Variants in LRRC7 observed in about 807,000 individuals in gnomAD.
LRRC7 encodes leucine-rich repeat-containing protein 7.
In LRRC7, 23 loss-of-function variants were observed where a neutral mutation model predicts 175.7. That is an observed-to-expected ratio of 0.13 (90% confidence interval 0.09 to 0.19). The LOEUF is 0.19. Ranked by LOEUF, LRRC7 falls within the 10% of genes least tolerant of loss-of-function variation. LRRC7 has a pLI of 1.00. For synonymous variants in LRRC7, 685 were observed against 680.9 expected, an observed-to-expected ratio of 1.01 and a Z score of -0.09; for missense variants, 1,354 against 1,904.7, an observed-to-expected ratio of 0.71 and a Z score of 5.38.
At chr1:69,758,713 T>C (rs947371238) in intron 2 of LRRC7, among the ~76,000 whole-genome samples, 2 of 151,958 alleles carry the variant, frequency 1.3e-5, no homozygotes, top group African/African-American at 4.8e-5. Flanking sequence ...TTAGTGGCCA[T>C]GTTTGCGCAG....
At chr1:70,027,046 C>A (rs1571071134) in intron 17 of LRRC7, among the ~76,000 whole-genome samples, 2 of 152,046 alleles carry the variant, frequency 1.3e-5, no homozygotes, top group South Asian at 2.1e-4. Context: ...TCTTTCTCTC[C>A]CTTTTCCGAT....
chr1:70,082,781 A>ATCTTTTTTGTTTTT (rs1553201466), intron 24 of LRRC7, among the ~76,000 whole-genome samples: 1 of 52,312 alleles, frequency 1.9e-5, no homozygotes, highest in Admixed American at 3.1e-4. Context: ...ATACCAGTAC[A>ATCTTTTTTGTTTTT]TTTTTTTTTT....
chr1:69,903,427 G>C (rs1026143341), intron 7 of LRRC7, among the ~76,000 whole-genome samples: 1 of 152,122 alleles, frequency 6.6e-6, no homozygotes, highest in East Asian at 1.9e-4. Flanking sequence ...TGTGCCGTGA[G>C]GGACGGTGCA....
intron 24 of LRRC7, among the ~76,000 whole-genome samples, chr1:70,083,113 C>T (rs1450331124): frequency 6.6e-6 from 1 of 151,926 alleles, no homozygotes. Context: ...AAAGATTTAA[C>T]TAGGAATTTT....
intron 7 of LRRC7, among the ~76,000 whole-genome samples, chr1:69,888,201 T>G (rs1184775599): frequency 3.2e-4 from 49 of 151,916 alleles, no homozygotes; most frequent in East Asian, 5.8e-4. Flanking sequence ...GCAATGGCGG[T>G]CGCCCCTCCC....
At chr1:70,040,279 T>C (rs1011169679) in intron 21 of LRRC7, among the ~76,000 whole-genome samples, 1 of 152,224 alleles carries the variant, frequency 6.6e-6, no homozygotes, top group Non-Finnish European at 1.5e-5. Context: ...AGTTATTATT[T>C]CTAATGAGCA....
rs187157811 is a variant in LRRC7 at position 70,104,636 on chromosome 1, A to C, written c.4546-3116A>C. 7.2e-5 allele frequency among the ~76,000 whole-genome samples: 11 copies of C among 152,302 alleles called. No individual in the cohort carries two copies. In the East Asian group the frequency reaches 2.1e-3, roughly 29 times the overall value. ...AGACATAATAAAGTGAAATCATAAA[A>C]CTTTCAGAAAAAAGCAATACATGCT... On this transcript the variant is annotated intron_variant, in intron 25 of 26. Coordinates refer to ENST00000651989, the MANE Select transcript of LRRC7 (RefSeq NM_001370785.2).
chr1:69,631,511 A>G (rs11209505), intron 1 of LRRC7, among the ~76,000 whole-genome samples: 40,630 of 151,710 alleles, frequency 0.27, 5,774 homozygotes, highest in East Asian at 0.36. Flanking sequence ...GATGGGGGTG[A>G]TGTTCTAGTT....
chr1:69,987,443 T>A (rs1654041064), intron 10 of LRRC7, among the ~76,000 whole-genome samples: 1 of 152,222 alleles, frequency 6.6e-6, no homozygotes, highest in Non-Finnish European at 1.5e-5. Flanking sequence ...GTTCTGGAAC[T>A]TAATCATTAT....
intron 24 of LRRC7, among the ~76,000 whole-genome samples, chr1:70,086,979 C>A (rs1325188544): frequency 6.6e-6 from 1 of 152,112 alleles, no homozygotes; most frequent in Admixed American, 6.6e-5. Flanking sequence ...CTCTGACATG[C>A]TTTATGAGAC....
chr1:69,671,477 G>A (rs1659068782), intron 1 of LRRC7, among the ~76,000 whole-genome samples: 2 of 152,130 alleles, frequency 1.3e-5, no homozygotes, highest in Non-Finnish European at 2.9e-5. Flanking sequence ...AGGAGAAGTG[G>A]CAGACACATT....
chr1:69,884,993 T>G (rs1345316689), intron 7 of LRRC7, among the ~76,000 whole-genome samples: 1 of 149,788 alleles, frequency 6.7e-6, no homozygotes, highest in African/African-American at 2.5e-5. Context: ...GTAAGCTTTT[T>G]GATGTGCTGC....
chr1:69,874,097 A>G (rs1379394932), intron 7 of LRRC7: 1 of 152,154 alleles, frequency 6.6e-6, no homozygotes, highest in East Asian at 1.9e-4. Context: ...AAAATATGAA[A>G]TGCTGATGAT....
chr1:69,810,075 C>G (rs1210537125), intron 4 of LRRC7, among the ~76,000 whole-genome samples: 1 of 152,192 alleles, frequency 6.6e-6, no homozygotes, highest in Non-Finnish European at 1.5e-5. Context: ...TCAGCAAAGT[C>G]TCAGGATACA....
At chr1:69,855,739 C>T (rs1683529797) in intron 7 of LRRC7, among the ~76,000 whole-genome samples, 1 of 152,052 alleles carries the variant, frequency 6.6e-6, no homozygotes, top group Non-Finnish European at 1.5e-5. Flanking sequence ...TAAAGTCTCC[C>T]ATCATTATTG....
intron 1 of LRRC7, among the ~76,000 whole-genome samples, chr1:69,654,564 G>T (rs569655637): frequency 2.0e-5 from 3 of 152,124 alleles, no homozygotes; most frequent in Admixed American, 2.0e-4. Context: ...ACTTTAAGAT[G>T]CCTCTATATC....
At chr1:69,661,670 A>G (rs1657494588) in intron 1 of LRRC7, among the ~76,000 whole-genome samples, 1 of 152,142 alleles carries the variant, frequency 6.6e-6, no homozygotes, top group Admixed American at 6.5e-5. Context: ...CTCAAAGATA[A>G]TCACCATGGG....
chr1:70,013,063 A>C lies in LRRC7; in HGVS notation c.1224A>C (p.Leu408=). 1 of 1,584,458 alleles carries C rather than the reference A, an allele frequency of 6.3e-7. No homozygotes were observed. Among genetic ancestry groups the C allele is most frequent in the Non-Finnish European group, 8.6e-7 (1 of 1,163,262 alleles). The change falls in exon 13 of 27, where the codon CTA becomes CTC. Residue 408 remains leucine, a synonymous_variant. Transcript: ENST00000651989. ...AAGAGATTGGACAGATGCAGAAACT[A>C]AGAGTCCTAAATTTGAGTGACAACA... ...LPEEIGQMQK[L]RVLNLSDNRL...
At chr1:69,741,519 G>C (rs967301522) in intron 2 of LRRC7, among the ~76,000 whole-genome samples, 9 of 151,980 alleles carry the variant, frequency 5.9e-5, no homozygotes, top group Admixed American at 3.3e-4. Flanking sequence ...CTAGAGGCCA[G>C]ACCACCAAAT....
Sources: gnomAD v4.1 joint callset for allele counts (sites outside exome capture counted in the v4.1 genomes callset) on GRCh38, gnomAD v4.1.1 for gene constraint, MANE v1.5 for transcripts, NCBI Gene and HGNC (gene_info 2026-07-23, HGNC 2026-07-21) for gene names.